The following ATF6 variants were observed in gnomAD, a reference collection of about 807,000 sequenced individuals.
The protein encoded by ATF6 is cyclic AMP-dependent transcription factor ATF-6 alpha.
A neutral mutation model predicts 83.6 loss-of-function variants in ATF6; 53 were observed. The observed-to-expected ratio is 0.63, with a 90% CI of 0.51 to 0.80. The LOEUF (loss-of-function observed/expected upper bound fraction) is 0.80, where lower values mean the gene tolerates loss of function less well. Among genes scored for constraint, ATF6 ranks in the 30% least tolerant of loss-of-function variants. The probability of loss-of-function intolerance (pLI) is 0.00; values close to 1 mark genes in which losing one functional copy is unlikely to be tolerated. For missense variants in ATF6, 744 were observed against 797.9 expected (o/e 0.93, Z 0.81); for synonymous variants, 288 against 285.8 (o/e 1.01, Z -0.08).
At chr1:161,934,909 C>T (rs1688507696) in intron 15 of ATF6, among the ~76,000 whole-genome samples, 1 of 152,094 alleles carries the variant, frequency 6.6e-6, no homozygotes, top group African/African-American at 2.4e-5. Flanking sequence ...GAAGTTTCCT[C>T]CCCAAAACAG....
At chr1:161,903,072 A>G (rs1687819642) in intron 14 of ATF6, among the ~76,000 whole-genome samples, 1 of 151,960 alleles carries the variant, frequency 6.6e-6, no homozygotes, top group Non-Finnish European at 1.5e-5. Context: ...CTTTAATTTA[A>G]TTTAATTTAA....
chr1:161,875,907 C>T (rs1422365496), intron 14 of ATF6, among the ~76,000 whole-genome samples: 3 of 151,850 alleles, frequency 2.0e-5, no homozygotes, highest in Non-Finnish European at 2.9e-5. Context: ...ACTTTTATTG[C>T]TTCATCAAAG....
intron 14 of ATF6, among the ~76,000 whole-genome samples, chr1:161,876,159 C>G (rs1370245034): frequency 6.6e-6 from 1 of 151,856 alleles, no homozygotes; most frequent in Non-Finnish European, 1.5e-5. Context: ...CCAAGCATTC[C>G]TATAAAAGGT....
intron 4 of ATF6, among the ~76,000 whole-genome samples, chr1:161,784,764 G>C (rs774291478): frequency 1.3e-5 from 2 of 152,130 alleles, no homozygotes; most frequent in Non-Finnish European, 2.9e-5. Context: ...ACTAAATCCT[G>C]GTGGTTATAT....
At chr1:161,852,269 A>AT (rs1176399090) in intron 11 of ATF6, among the ~76,000 whole-genome samples, 1 of 152,110 alleles carries the variant, frequency 6.6e-6, no homozygotes, top group Non-Finnish European at 1.5e-5. Flanking sequence ...TACCCTTAAA[A>AT]CCTCAAAAAC....
intron 9 of ATF6, among the ~76,000 whole-genome samples, chr1:161,828,621 A>C (rs1291400134): frequency 6.6e-6 from 1 of 152,206 alleles, no homozygotes; most frequent in South Asian, 2.1e-4. Context: ...GGAGACTGTT[A>C]TTAAGTACCT....
At chr1:161,837,357 A>C (rs1349202592) in intron 9 of ATF6, among the ~76,000 whole-genome samples, 1 of 152,174 alleles carries the variant, frequency 6.6e-6, no homozygotes, top group Non-Finnish European at 1.5e-5. Context: ...AATGGTTCTT[A>C]ATTGATTTAT....
chr1:161,818,279 T>C (rs2101781058), intron 7 of ATF6, among the ~76,000 whole-genome samples: 1 of 152,314 alleles, frequency 6.6e-6, no homozygotes, highest in South Asian at 2.1e-4. Context: ...TTGGCGCTTT[T>C]TATGCACTTA....
chr1:161,776,198 A>G (rs945145816), intron 1 of ATF6, among the ~76,000 whole-genome samples: 1 of 152,208 alleles, frequency 6.6e-6, no homozygotes, highest in African/African-American at 2.4e-5. Flanking sequence ...TTTTAGATAT[A>G]TTCAACCATT....
At chr1:161,913,118 T>A (rs1206289802) in intron 15 of ATF6, among the ~76,000 whole-genome samples, 2 of 152,192 alleles carry the variant, frequency 1.3e-5, no homozygotes, top group Non-Finnish European at 2.9e-5. Context: ...ACAGTGTATG[T>A]TATTGACTAA....
rs71798307 is a variant in ATF6, at chr1:161,920,294, C to CT, written c.1804+7932dup. Reference sequence around the variant, plus strand: ...TAGTTCTCTTTCTCTCTCTCTCTCTCTTTTTTTTTTTTTTTTTTGAGACAG... The same window carrying CT: ...TAGTTCTCTTTCTCTCTCTCTCTCTCTTTTTTTTTTTTTTTTTTTGAGACAG... On this transcript the variant is annotated intron_variant, in intron 15 of 15. Coordinates refer to ENST00000367942, the MANE Select transcript of ATF6 (RefSeq NM_007348.4). Among the ~76,000 whole-genome samples the CT allele has an allele frequency of 3.4e-3, 185 of 54,828 alleles. 32 individuals carry two copies. The highest frequency in any genetic ancestry group is 6.4e-3 in the African/African-American group (86 of 13,474). The allele number at this position is 54,828 out of a possible 152,430, so 36.0% of individuals were successfully genotyped here. A position where few individuals can be genotyped will look rare whatever the true frequency, so the allele number is the denominator to read the frequency against.
intron 15 of ATF6, among the ~76,000 whole-genome samples, chr1:161,949,893 A>C (rs1257482565): frequency 6.6e-6 from 1 of 152,130 alleles, no homozygotes; most frequent in Admixed American, 6.5e-5. Context: ...CAAATATCCA[A>C]ATCATAGCAG....
chr1:161,766,485 G>T (rs1571109081), intron 1 of ATF6, 43 bp downstream of exon 1: 1 of 1,590,504 alleles, frequency 6.3e-7, no homozygotes. Flanking sequence ...TCGGGTTCGC[G>T]TCTAAAGGTT....
At chr1:161,833,118 C>T (rs1686113031) in intron 9 of ATF6, among the ~76,000 whole-genome samples, 1 of 152,196 alleles carries the variant, frequency 6.6e-6, no homozygotes, top group Non-Finnish European at 1.5e-5. Context: ...GTTCTGCAGC[C>T]ACCGCTGCTG....
intron 12 of ATF6, among the ~76,000 whole-genome samples, chr1:161,859,831 T>C (rs1686842562): frequency 2.0e-5 from 3 of 152,174 alleles, no homozygotes; most frequent in African/African-American, 7.2e-5. Context: ...CTAGTTTCAT[T>C]ATGGACTTTT....
chr1:161,786,752 A>G (rs1345943569), intron 4 of ATF6, among the ~76,000 whole-genome samples: 22 of 152,204 alleles, frequency 1.4e-4, no homozygotes. Context: ...CTTAGCCATA[A>G]TACAAGCACA....
intron 15 of ATF6, among the ~76,000 whole-genome samples, chr1:161,947,313 C>T (rs971552651): frequency 1.3e-5 from 2 of 152,140 alleles, no homozygotes; most frequent in Admixed American, 6.5e-5. Flanking sequence ...GAGATTCTTG[C>T]TAGATGGACT....
chr1:161,802,799 G>T (rs1685188590), intron 7 of ATF6, among the ~76,000 whole-genome samples: 1 of 151,968 alleles, frequency 6.6e-6, no homozygotes, highest in Non-Finnish European at 1.5e-5. Context: ...TCCCATTTTT[G>T]CAAACCTTTA....
chr1:161,809,572 T>C (rs887241521), intron 7 of ATF6, among the ~76,000 whole-genome samples: 1 of 152,046 alleles, frequency 6.6e-6, no homozygotes, highest in African/African-American at 2.4e-5. Context: ...AATGGGATGG[T>C]TGGGTCAAAT....
Sources: gnomAD v4.1 joint callset for allele counts (sites outside exome capture counted in the v4.1 genomes callset) on GRCh38, gnomAD v4.1.1 for gene constraint, MANE v1.5 for transcripts, NCBI Gene and HGNC (gene_info 2026-07-23, HGNC 2026-07-21) for gene names.